EGFLAM: variants seen among roughly 807,000 people sequenced by gnomAD.
EGFLAM encodes the protein EGF like, fibronectin type III and laminin G domains.
Under a neutral mutation model 113.1 loss-of-function variants are expected in EGFLAM, and 79 were observed. The observed-to-expected ratio is 0.70, with a 90% CI of 0.58 to 0.84. The LOEUF (loss-of-function observed/expected upper bound fraction) is 0.84, where lower values mean the gene tolerates loss of function less well. Ranked by LOEUF, EGFLAM falls within the 40% of genes least tolerant of loss-of-function variation. The pLI, the probability that EGFLAM is intolerant of heterozygous loss-of-function variation, is 0.00. For synonymous variants in EGFLAM, 504 were observed against 487.6 expected (o/e 1.03, Z -0.44); for missense variants, 1,265 against 1,291.6 (o/e 0.98, Z 0.32).
At chr5:38,456,085 G>T (rs1743076344) in intron 19 of EGFLAM, among the ~76,000 whole-genome samples, 2 of 152,146 alleles carry the variant, frequency 1.3e-5, no homozygotes, top group Non-Finnish European at 1.5e-5. Flanking sequence ...GTCCCTTGGG[G>T]TGCATTGTCA....
rs1579961008 is a variant in EGFLAM, at chr5:38,458,402, C to T, written c.2771+8C>T. ...CCGAGTTAAGGCCGTTAGGTGAGTC[C>T]CTCCCGCAGCATGAGGCAGAGCCAG... On this transcript the variant is annotated splice_region_variant and intron_variant, in intron 20 of 21. Coordinates refer to ENST00000322350, the MANE Select transcript of EGFLAM (RefSeq NM_152403.4). 1 of 1,613,172 alleles carries T rather than the reference C, an allele frequency of 6.2e-7. No individual in the cohort carries two copies. The highest frequency in any genetic ancestry group is 1.1e-5 in the South Asian group (1 of 90,966).
At chr5:38,314,870 G>C (rs1460524105) in intron 1 of EGFLAM, among the ~76,000 whole-genome samples, 2 of 152,204 alleles carry the variant, frequency 1.3e-5, no homozygotes, top group Non-Finnish European at 2.9e-5. Flanking sequence ...TCCAGATAGA[G>C]GCTATTCCAT....
intron 14 of EGFLAM, 181 bp downstream of exon 14, chr5:38,427,433 G>A: frequency 1.0e-6 from 1 of 969,264 alleles, no homozygotes; most frequent in Non-Finnish European, 1.5e-6. Flanking sequence ...TATAGAGAGT[G>A]CTCTCCTGCC....
At chr5:38,342,887 A>T (rs935894741) in intron 3 of EGFLAM, among the ~76,000 whole-genome samples, 6 of 152,228 alleles carry the variant, frequency 3.9e-5, no homozygotes, top group Non-Finnish European at 8.8e-5. Flanking sequence ...AGGAGGAGAT[A>T]AAACAGAAAT....
intron 17 of EGFLAM, among the ~76,000 whole-genome samples, chr5:38,440,527 G>T (rs1561095210): frequency 6.6e-6 from 1 of 152,126 alleles, no homozygotes; most frequent in African/African-American, 2.4e-5. Context: ...AAAGAGATGG[G>T]CGATTATGTT....
chr5:38,260,936 C>A (rs979618926), intron 1 of EGFLAM, among the ~76,000 whole-genome samples: 1 of 152,168 alleles, frequency 6.6e-6, no homozygotes, highest in Non-Finnish European at 1.5e-5. Context: ...CTGCTAGTAT[C>A]CATATGGGAG....
At chr5:38,314,694 T>C (rs1163545100) in intron 1 of EGFLAM, among the ~76,000 whole-genome samples, 4 of 152,230 alleles carry the variant, frequency 2.6e-5, no homozygotes, top group East Asian at 3.8e-4. Context: ...CCAAAAGACA[T>C]GGTGTTTCTT....
chr5:38,356,843 C>T (rs531222253), intron 5 of EGFLAM, among the ~76,000 whole-genome samples: 2 of 152,310 alleles, frequency 1.3e-5, no homozygotes, highest in South Asian at 4.1e-4. Flanking sequence ...GCTGAAACTG[C>T]AGTTTGTGTG....
At chr5:38,271,171 C>A (rs1000602441) in intron 1 of EGFLAM, among the ~76,000 whole-genome samples, 37 of 152,146 alleles carry the variant, frequency 2.4e-4, no homozygotes, top group African/African-American at 7.5e-4. Context: ...AGGATCAGGC[C>A]ACTATAGTAG....
At chr5:38,438,742 G>A (rs1742440069) in intron 17 of EGFLAM, among the ~76,000 whole-genome samples, 1 of 152,188 alleles carries the variant, frequency 6.6e-6, no homozygotes, top group African/African-American at 2.4e-5. Context: ...CAACCCAAGA[G>A]TTAACCCATA....
At chr5:38,266,843 G>T (rs765651237) in intron 1 of EGFLAM, among the ~76,000 whole-genome samples, 15 of 152,266 alleles carry the variant, frequency 9.9e-5, no homozygotes, top group Non-Finnish European at 2.1e-4. Flanking sequence ...CATAAAGCCA[G>T]AGAGCTCAGA....
chr5:38,296,569 G>A (rs1758456744), intron 1 of EGFLAM, among the ~76,000 whole-genome samples: 1 of 151,974 alleles, frequency 6.6e-6, no homozygotes, highest in South Asian at 2.1e-4. Context: ...AATAACTGAG[G>A]CAGGCAAGAT....
chr5:38,382,758 A>G (rs969173676), intron 6 of EGFLAM, among the ~76,000 whole-genome samples: 19 of 152,330 alleles, frequency 1.2e-4, no homozygotes, highest in Admixed American at 2.0e-4. Context: ...CTGAGCCCCA[A>G]TTGGAAATTT....
intron 6 of EGFLAM, among the ~76,000 whole-genome samples, chr5:38,383,414 C>CTT (rs78824068): frequency 0.012 from 1,651 of 135,014 alleles, 37 homozygotes; most frequent in African/African-American, 0.042. Context: ...TTTGTCAGGC[C>CTT]TTTTTTTTTT....
chr5:38,338,011 G>A (rs1214431267), intron 2 of EGFLAM, among the ~76,000 whole-genome samples: 2 of 152,184 alleles, frequency 1.3e-5, no homozygotes, highest in African/African-American at 4.8e-5. Context: ...AGGTGGGGAG[G>A]CAAAATGGAG....
chr5:38,379,649 GC>G (rs33949973), intron 6 of EGFLAM, among the ~76,000 whole-genome samples: 17,519 of 151,856 alleles, frequency 0.12, 1,301 homozygotes, highest in African/African-American at 0.22. Flanking sequence ...GAAGCAATCA[GC>G]CACAGCAAAG....
rs1743327475 is a variant in EGFLAM, at chr5:38,462,684, A to G, written c.2772-224A>G. ...GTGGTCTTCGCCGTGGAGTGCTGGC[A>G]CTGTGTTGTCATTCACAGTTTGACT... On this transcript the variant is annotated intron_variant, in intron 20 of 21. Coordinates refer to ENST00000322350, the MANE Select transcript of EGFLAM (RefSeq NM_152403.4). 6.1e-6 allele frequency: 3 copies of G among 491,662 alleles called. No individual in the cohort carries two copies. In the South Asian group the frequency reaches 6.6e-5, roughly 11 times the overall value. 30.5% of individuals were successfully genotyped at this position (491,662 alleles called of 1,614,324 possible).
chr5:38,425,888 G>A (rs1365715098), intron 13 of EGFLAM, among the ~76,000 whole-genome samples: 1 of 152,178 alleles, frequency 6.6e-6, no homozygotes, highest in African/African-American at 2.4e-5. Flanking sequence ...AGCACTCTGG[G>A]AGGCCGAGGT....
intron 1 of EGFLAM, among the ~76,000 whole-genome samples, chr5:38,261,924 A>G (rs1229939598): frequency 6.6e-6 from 1 of 152,120 alleles, no homozygotes; most frequent in Non-Finnish European, 1.5e-5. Context: ...GGGTAGAAAA[A>G]GGGGCCTCTG....
Sources: gnomAD v4.1 joint callset for allele counts (sites outside exome capture counted in the v4.1 genomes callset) on GRCh38, gnomAD v4.1.1 for gene constraint, MANE v1.5 for transcripts, NCBI Gene and HGNC (gene_info 2026-07-23, HGNC 2026-07-21) for gene names.